MAP7D2: variants seen among roughly 807,000 people sequenced by gnomAD.
MAP7D2 encodes the protein MAP7 domain containing 2.
MAP7D2 carries 33 observed loss-of-function variants against 63.5 expected under a neutral mutation model. The ratio of observed to expected loss-of-function variants is 0.52; its 90% CI spans 0.39 to 0.70. The LOEUF (loss-of-function observed/expected upper bound fraction) is 0.70. MAP7D2 is among the 30% of genes least tolerant of loss of function. The pLI, the probability that MAP7D2 is intolerant of heterozygous loss-of-function variation, is 0.00. For synonymous variants in MAP7D2, 224 were observed against 223.7 expected, an observed-to-expected ratio of 1.00 and a Z score of -0.01; for missense variants, 626 against 604.0, an observed-to-expected ratio of 1.04 and a Z score of -0.38.
chrX:20,056,716 C>T lies in MAP7D2; in HGVS notation c.448G>A (p.Gly150Arg), dbSNP rs1569092805. Residue 150 changes from glycine (G) to arginine (R), a missense_variant, in exon 4 of 17, where the codon GGA (glycine) becomes AGA (arginine). Physicochemically the swap from Gly to Arg is moderately radical, Grantham distance 125. Coordinates refer to ENST00000379643, the MANE Select transcript of MAP7D2 (RefSeq NM_001168465.2). The part of the protein sequence containing the change: ...QLELKKKYSW[G>R]APLAIGPGGH... Reference sequence around the variant, plus strand: ...CCGGGTCCAATGGCCAGTGGTGCTCCCCACGAATACTTCTTTTTCAGCTCC... The same window carrying T: ...CCGGGTCCAATGGCCAGTGGTGCTCTCCACGAATACTTCTTTTTCAGCTCC... 1 of 1,211,362 alleles carries T rather than the reference C, an allele frequency of 8.3e-7. No homozygotes were observed. The highest frequency in any genetic ancestry group is 1.1e-6 in the Non-Finnish European group (1 of 895,259).
At chrX:20,030,747 A>G (rs2074021072) in intron 8 of MAP7D2, among the ~76,000 whole-genome samples, 1 of 111,987 alleles carries the variant, frequency 8.9e-6, no homozygotes, top group Non-Finnish European at 1.9e-5. Context: ...TACTTCCTAG[A>G]TAAGAAAGAG....
At chrX:20,061,489 A>G (rs1383691059) in intron 3 of MAP7D2, among the ~76,000 whole-genome samples, 1 of 112,495 alleles carries the variant, frequency 8.9e-6, no homozygotes, top group Non-Finnish European at 1.9e-5. Flanking sequence ...CAGGAGGCCC[A>G]GCCCTCAGCC....
At chrX:20,087,892 T>C (rs1381850291) in intron 1 of MAP7D2, among the ~76,000 whole-genome samples, 14 of 82,127 alleles carry the variant, frequency 1.7e-4, no homozygotes, top group South Asian at 7.0e-4. Flanking sequence ...TTTTTTTTTT[T>C]TTTTTTTTTT....
chrX:20,095,085 A>G (rs1222688685), intron 1 of MAP7D2, among the ~76,000 whole-genome samples: 1 of 110,303 alleles, frequency 9.1e-6, no homozygotes, highest in African/African-American at 3.3e-5. Context: ...AAAAAAAAAA[A>G]TCAGTGACTA....
intron 8 of MAP7D2, among the ~76,000 whole-genome samples, chrX:20,033,376 C>T (rs772912487): frequency 2.7e-5 from 3 of 111,882 alleles, no homozygotes; most frequent in Non-Finnish European, 3.8e-5. Flanking sequence ...CAGGCAGCAT[C>T]AACACTCAAG....
chrX:20,016,975 G>A (rs937803002), intron 10 of MAP7D2: 3 of 114,565 alleles, frequency 2.6e-5, no homozygotes, highest in Non-Finnish European at 5.6e-5. Context: ...TTCATCCACA[G>A]TCAGATGAAT....
intron 1 of MAP7D2, among the ~76,000 whole-genome samples, chrX:20,098,362 T>C (rs1216076006): frequency 8.9e-6 from 1 of 112,614 alleles, no homozygotes; most frequent in African/African-American, 3.2e-5. Context: ...GGGCTCACTA[T>C]GGACAATTTG....
chrX:20,048,420 G>A (rs915240656), intron 6 of MAP7D2, among the ~76,000 whole-genome samples: 6 of 110,796 alleles, frequency 5.4e-5, no homozygotes, highest in Non-Finnish European at 1.1e-4. Flanking sequence ...GCTTGTGCCT[G>A]GTCTTCCCAG....
chrX:20,068,703 T>C (rs2065420818), intron 1 of MAP7D2, among the ~76,000 whole-genome samples: 1 of 111,997 alleles, frequency 8.9e-6, no homozygotes, highest in South Asian at 3.7e-4. Context: ...CACCAGGAGA[T>C]GCCCTCTAAA....
rs143085251 is a variant in MAP7D2, at chrX:20,048,521, C to T, written c.718+2303G>A. Among the ~76,000 whole-genome samples the T allele has an allele frequency of 3.6e-3, 397 of 110,761 alleles. 2 individuals carry two copies. Among genetic ancestry groups the T allele is most frequent in the African/African-American group, 0.012 (358 of 30,482 alleles). The stretch of plus-strand genomic sequence containing the variant: ...GAGTCTTCCTAGCAAATCACTGATC[C>T]TGGAGTTGCTCTTAGGGAACCCCAA... On this transcript the variant is annotated intron_variant, in intron 6 of 16. Coordinates refer to ENST00000379643, the MANE Select transcript of MAP7D2 (RefSeq NM_001168465.2).
intron 6 of MAP7D2, among the ~76,000 whole-genome samples, chrX:20,046,436 A>G (rs961417005): frequency 8.9e-6 from 1 of 112,875 alleles, no homozygotes; most frequent in East Asian, 2.8e-4. Flanking sequence ...TCCCTGACAG[A>G]CTGAACTCCA....
intron 4 of MAP7D2, among the ~76,000 whole-genome samples, chrX:20,055,166 A>G (rs1227562032): frequency 2.7e-5 from 3 of 109,639 alleles, no homozygotes; most frequent in Admixed American, 2.0e-4. Context: ...TCTGTTCTTG[A>G]TCTAGACCAG....
At chrX:20,096,460 A>T (rs2066273212) in intron 1 of MAP7D2, among the ~76,000 whole-genome samples, 1 of 108,118 alleles carries the variant, frequency 9.2e-6, no homozygotes, top group African/African-American at 3.4e-5. Flanking sequence ...AAAAAAAAGA[A>T]ATTCTGACAC....
chrX:20,060,900 C>A (rs1280291861), intron 3 of MAP7D2, among the ~76,000 whole-genome samples: 1 of 109,623 alleles, frequency 9.1e-6, no homozygotes, highest in Non-Finnish European at 1.9e-5. Context: ...GAGGGGTTAT[C>A]AAGAGTGACA....
intron 1 of MAP7D2, among the ~76,000 whole-genome samples, chrX:20,073,912 G>A (rs1333765009): frequency 1.9e-5 from 2 of 104,814 alleles, no homozygotes; most frequent in Non-Finnish European, 3.9e-5. Context: ...CGAGGCGGGC[G>A]GATCACCTGA....
At chrX:20,099,813 T>C (rs972467096) in intron 1 of MAP7D2, among the ~76,000 whole-genome samples, 25 of 112,331 alleles carry the variant, frequency 2.2e-4, no homozygotes, top group African/African-American at 7.7e-4. Flanking sequence ...TATTTTCCTC[T>C]CATTTACATA....
chrX:20,037,627 G>A (rs2064531999), intron 8 of MAP7D2, among the ~76,000 whole-genome samples: 1 of 112,070 alleles, frequency 8.9e-6, no homozygotes, highest in Non-Finnish European at 1.9e-5. Flanking sequence ...ACCTGGTTAT[G>A]CGCTTTACTT....
chrX:20,116,042 G>A (rs750607383), intron 1 of MAP7D2, among the ~76,000 whole-genome samples: 1 of 112,912 alleles, frequency 8.9e-6, no homozygotes, highest in African/African-American at 3.2e-5. Flanking sequence ...CTGCCTCGCT[G>A]GCTTCTGGGC....
chrX:20,104,805 G>A (rs2066526300), intron 1 of MAP7D2, among the ~76,000 whole-genome samples: 1 of 111,928 alleles, frequency 8.9e-6, no homozygotes, highest in African/African-American at 3.3e-5. Context: ...TGTCACCCCT[G>A]ACTGGTGATC....
Sources: gnomAD v4.1 joint callset for allele counts (sites outside exome capture counted in the v4.1 genomes callset) on GRCh38, gnomAD v4.1.1 for gene constraint, MANE v1.5 for transcripts, NCBI Gene and HGNC (gene_info 2026-07-23, HGNC 2026-07-21) for gene names.